Variants in GALNT9 observed in about 807,000 individuals in gnomAD.
GALNT9 encodes the protein polypeptide N-acetylgalactosaminyltransferase 9.
A neutral mutation model predicts 63.1 loss-of-function variants in GALNT9; 47 were observed. The ratio of observed to expected loss-of-function variants is 0.75; its 90% CI spans 0.59 to 0.95. The LOEUF is 0.95. Ranked by LOEUF, GALNT9 falls within the 40% of genes least tolerant of loss-of-function variation. GALNT9 has a pLI of 0.00. For synonymous variants in GALNT9, 396 were observed against 365.7 expected (o/e 1.08, Z -0.94); for missense variants, 829 against 874.8 (o/e 0.95, Z 0.66).
intron 1 of GALNT9, among the ~76,000 whole-genome samples, chr12:132,303,763 A>G (rs868928819): frequency 3.9e-5 from 1 of 25,580 alleles, no homozygotes; most frequent in Non-Finnish European, 7.8e-5. Context: ...GCACACCCTC[A>G]CCGGGGCACA....
intron 2 of GALNT9, among the ~76,000 whole-genome samples, chr12:132,268,137 TCACA>T (rs369914909): frequency 0.12 from 18,391 of 147,774 alleles, 3,070 homozygotes; most frequent in African/African-American, 0.39. Flanking sequence ...ACACTCACGC[TCACA>T]CACACGCAAT....
chr12:132,201,731 C>T (rs374604551), intron 7 of GALNT9, among the ~76,000 whole-genome samples: 5 of 152,078 alleles, frequency 3.3e-5, no homozygotes, highest in African/African-American at 4.8e-5. Context: ...GCATGGGTGC[C>T]GGAGAATCAA....
At chr12:132,203,735 GCGGGCAGCCCGGCCA>G in intron 6 of GALNT9, 45 bp from the exon 7 acceptor site, 1 of 1,572,342 alleles carries the variant, frequency 6.4e-7, no homozygotes, top group South Asian at 1.2e-5. Flanking sequence ...CCCAACGGAA[GCGGGCAGCCCGGCCA>G]GCTAGGGGCC....
intron 6 of GALNT9, among the ~76,000 whole-genome samples, chr12:132,221,095 C>T (rs1384892253): frequency 7.1e-6 from 1 of 140,150 alleles, no homozygotes; most frequent in African/African-American, 2.7e-5. Flanking sequence ...ATGGCTCTTG[C>T]CTGTAATCCC....
intron 1 of GALNT9, among the ~76,000 whole-genome samples, chr12:132,289,514 C>T (rs555521001): frequency 6.6e-6 from 1 of 152,340 alleles, no homozygotes; most frequent in African/African-American, 2.4e-5. Flanking sequence ...GCTAAGGGGA[C>T]TTGGCAGACG....
intron 1 of GALNT9, among the ~76,000 whole-genome samples, chr12:132,291,917 C>T (rs1005495104): frequency 9.9e-5 from 15 of 152,214 alleles, no homozygotes; most frequent in Non-Finnish European, 1.9e-4. Context: ...CTTGCGGTTC[C>T]GGCTCCTCAC....
At chr12:132,293,675 C>G (rs1880942607) in intron 1 of GALNT9, among the ~76,000 whole-genome samples, 1 of 152,056 alleles carries the variant, frequency 6.6e-6, no homozygotes, top group Non-Finnish European at 1.5e-5. Context: ...ATGGAGAAGG[C>G]AGGGGACCCC....
At chr12:132,268,744 C>T (rs1334284425) in intron 2 of GALNT9, among the ~76,000 whole-genome samples, 1 of 152,206 alleles carries the variant, frequency 6.6e-6, no homozygotes, top group Non-Finnish European at 1.5e-5. Context: ...ACGTCACCAC[C>T]GAAGACGCCC....
rs1555245702 is a variant in GALNT9 at position 132,316,570 on chromosome 12, A to G, written c.238+12396T>C. Among the ~76,000 whole-genome samples, 1 of 151,968 alleles carries G rather than the reference A, an allele frequency of 6.6e-6. No individual in the cohort carries two copies. The highest frequency in any genetic ancestry group is 1.5e-5 in the Non-Finnish European group (1 of 67,964). Reference sequence around the variant, plus strand: ...TCAGGGAATGGCCGTCTGAGGTGCGAGGTGCTGCCAGGACCTCCCGGGTCC... The same window carrying G: ...TCAGGGAATGGCCGTCTGAGGTGCGGGGTGCTGCCAGGACCTCCCGGGTCC... On this transcript the variant is annotated intron_variant, in intron 1 of 10. Transcript: ENST00000328957. The surrounding 1 kb of genome is among the most constrained non-coding windows in gnomAD (Gnocchi z 4.3).
intron 6 of GALNT9, among the ~76,000 whole-genome samples, chr12:132,227,793 C>T (rs954725280): frequency 1.1e-4 from 17 of 152,040 alleles, no homozygotes; most frequent in African/African-American, 4.1e-4. Context: ...GGTTAATGGG[C>T]AGAGGCAGGG....
intron 1 of GALNT9, among the ~76,000 whole-genome samples, chr12:132,309,962 C>T (rs1352593202): frequency 1.3e-5 from 2 of 152,246 alleles, no homozygotes; most frequent in African/African-American, 4.8e-5. Flanking sequence ...CGGGTGACCT[C>T]GCCGCTGAGG....
intron 6 of GALNT9, among the ~76,000 whole-genome samples, chr12:132,230,543 C>CGTGGCGGGGGAGTCCT (rs1877851331): frequency 6.6e-6 from 1 of 151,718 alleles, no homozygotes; most frequent in African/African-American, 2.4e-5. Flanking sequence ...GCCTGGCCCT[C>CGTGGCGGGGGAGTCCT]GTGGCGGGGG....
At position 132,262,597 on chromosome 12, in the gene GALNT9, G is replaced by T. The variant is rs1240619737; in HGVS notation, c.448C>A (p.Leu150Met). 91 of 1,551,094 alleles carry T rather than the reference G, an allele frequency of 5.9e-5. No homozygotes were observed. Among genetic ancestry groups the T allele is most frequent in the Non-Finnish European group, 7.6e-5 (87 of 1,146,744 alleles). The change falls in exon 3 of 11, where the codon CTG (leucine) becomes ATG (methionine). Residue 150 changes from leucine (L) to methionine (M), a missense_variant. Transcript: ENST00000328957. Reference sequence around the variant, plus strand: ...ATGAAGACCACGGAGACCTGGGGCAGGTCCTGGGCGTAGCTCATCTGTCTG... The same window carrying T: ...ATGAAGACCACGGAGACCTGGGGCATGTCCTGGGCGTAGCTCATCTGTCTG... The part of the protein sequence containing the change: ...KCRQMSYAQD[L>M]PQVSVVFIFV...
chr12:132,297,745 T>C (rs548696960), intron 1 of GALNT9, among the ~76,000 whole-genome samples: 1 of 149,796 alleles, frequency 6.7e-6, no homozygotes, highest in South Asian at 2.1e-4. Context: ...CACACTCCCA[T>C]GAAAACCAAC....
At chr12:132,197,750 G>GGCCCCCCCCCCCCCCCC in intron 10 of GALNT9, 42 bp downstream of exon 10, 1 of 1,266,538 alleles carries the variant, frequency 7.9e-7, no homozygotes, top group Middle Eastern at 2.8e-4. Flanking sequence ...CAGCAGCCCT[G>GGCCCCCCCCCCCCCCCC]CCCCGCCCCA....
intron 6 of GALNT9, among the ~76,000 whole-genome samples, chr12:132,224,608 CA>C: frequency 4.5e-5 from 1 of 22,154 alleles, no homozygotes; most frequent in East Asian, 1.9e-3. Flanking sequence ...ACCCCACAAA[CA>C]TACACCCCAT....
intron 6 of GALNT9, chr12:132,240,776 T>G: frequency 2.2e-6 from 1 of 454,154 alleles, no homozygotes; most frequent in South Asian, 1.6e-5. Context: ...GAATGTGCAG[T>G]ATGATCTATA....
At chr12:132,322,353 G>A (rs79674055) in intron 1 of GALNT9, among the ~76,000 whole-genome samples, 10,450 of 152,348 alleles carry the variant, frequency 0.069, 444 homozygotes, top group East Asian at 0.11. Context: ...CCTCAGCGCA[G>A]TTCAGGAATG....
At chr12:132,321,607 G>A (rs1376931317) in intron 1 of GALNT9, among the ~76,000 whole-genome samples, 1 of 152,082 alleles carries the variant, frequency 6.6e-6, no homozygotes, top group Non-Finnish European at 1.5e-5. Flanking sequence ...CCCAACCCCA[G>A]GGCCCACTGT....
Sources: allele counts gnomAD v4.1 joint callset (sites outside exome capture counted in the v4.1 genomes callset), GRCh38; gene constraint gnomAD v4.1.1; non-coding constraint Gnocchi (gnomAD v3.1); transcripts MANE v1.5; gene names NCBI Gene and HGNC (gene_info 2026-07-23, HGNC 2026-07-21).